The following AFG1L variants were observed in gnomAD, a reference collection of about 807,000 sequenced individuals.
AFG1L encodes AFG1-like ATPase.
Under a neutral mutation model 62.2 loss-of-function variants are expected in AFG1L, and 53 were observed. The ratio of observed to expected loss-of-function variants is 0.85; its 90% CI spans 0.68 to 1.07. The LOEUF (loss-of-function observed/expected upper bound fraction) is 1.07. AFG1L is among the 50% of genes least tolerant of loss of function. The pLI is 0.00. For synonymous variants in AFG1L, 228 were observed against 210.3 expected (o/e 1.08, Z -0.73); for missense variants, 555 against 590.5 (o/e 0.94, Z 0.62).
At chr6:108,474,937 G>C (rs756610009) in intron 8 of AFG1L, among the ~76,000 whole-genome samples, 6 of 152,074 alleles carry the variant, frequency 3.9e-5, no homozygotes, top group Non-Finnish European at 7.4e-5. Context: ...AATTGCTTTT[G>C]GTGATTTCAT....
At chr6:108,394,453 C>T (rs940995948) in intron 6 of AFG1L, among the ~76,000 whole-genome samples, 9 of 130,884 alleles carry the variant, frequency 6.9e-5, no homozygotes, top group East Asian at 2.1e-4. Context: ...CCGGCCTTGC[C>T]GTTTTTTTTA....
At chr6:108,304,983 T>G (rs1777149177) in intron 1 of AFG1L, among the ~76,000 whole-genome samples, 1 of 152,256 alleles carries the variant, frequency 6.6e-6, no homozygotes, top group South Asian at 2.1e-4. Context: ...ATGCGATGCA[T>G]TTTCCTAACT....
At chr6:108,356,397 G>A (rs1414913944) in intron 4 of AFG1L, among the ~76,000 whole-genome samples, 2 of 152,192 alleles carry the variant, frequency 1.3e-5, no homozygotes, top group African/African-American at 4.8e-5. Flanking sequence ...TAAGGTGGAT[G>A]TGTTGATGCA....
At chr6:108,339,288 G>A (rs937029769) in intron 2 of AFG1L, among the ~76,000 whole-genome samples, 5 of 151,064 alleles carry the variant, frequency 3.3e-5, no homozygotes, top group Admixed American at 3.3e-4. Context: ...CTACAGGCAC[G>A]TGCCACCACA....
intron 8 of AFG1L, among the ~76,000 whole-genome samples, chr6:108,461,429 T>C (rs1000935349): frequency 2.0e-5 from 3 of 152,160 alleles, no homozygotes; most frequent in African/African-American, 7.2e-5. Flanking sequence ...TTGTATTTTA[T>C]AGGACATGAT....
Position 108,323,880 on chromosome 6 carries a change from T to C in AFG1L, c.195T>C (p.Tyr65=), listed in dbSNP as rs1484473306. Residue 65 remains tyrosine, a synonymous_variant, in exon 2 of 13, where the codon TAT becomes TAC. Coordinates refer to ENST00000368977, the MANE Select transcript of AFG1L (RefSeq NM_145315.5). ...CCCCAACTGCCACTTCAGAGACTTA[T>C]TTGAAAGCTTTGGCCGTTTGCCATG... ...SMTPTATSET[Y]LKALAVCHGP... The C allele has an allele frequency of 6.2e-7, 1 of 1,614,076 alleles. No homozygotes were observed. Among genetic ancestry groups the C allele is most frequent in the Non-Finnish European group, 8.5e-7 (1 of 1,180,034 alleles).
intron 6 of AFG1L, among the ~76,000 whole-genome samples, chr6:108,372,093 G>A (rs952190792): frequency 2.0e-5 from 3 of 151,048 alleles, no homozygotes; most frequent in Admixed American, 6.6e-5. Context: ...TCTAGTAGTA[G>A]TACTATTATG....
At chr6:108,411,860 A>G (rs1004940167) in intron 7 of AFG1L, among the ~76,000 whole-genome samples, 8 of 152,250 alleles carry the variant, frequency 5.3e-5, no homozygotes, top group Non-Finnish European at 7.3e-5. Context: ...CTTCTCCTCC[A>G]AAGGAACGCA....
At chr6:108,468,006 G>C (rs1337581746) in intron 8 of AFG1L, among the ~76,000 whole-genome samples, 2 of 152,230 alleles carry the variant, frequency 1.3e-5, no homozygotes, top group Non-Finnish European at 2.9e-5. Flanking sequence ...CAGTCTGAAA[G>C]CTGTAAGACT....
At chr6:108,345,264 A>G (rs1318183271) in intron 2 of AFG1L, among the ~76,000 whole-genome samples, 1 of 151,508 alleles carries the variant, frequency 6.6e-6, no homozygotes, top group African/African-American at 2.4e-5. Flanking sequence ...TTTATTGAAG[A>G]GACAATTTCT....
chr6:108,338,359 GTGAAA>G (rs1171096584), intron 2 of AFG1L, among the ~76,000 whole-genome samples: 1 of 152,184 alleles, frequency 6.6e-6, no homozygotes, highest in Non-Finnish European at 1.5e-5. Context: ...ATTACAAAAT[GTGAAA>G]TATTTAAGAA....
intron 7 of AFG1L, among the ~76,000 whole-genome samples, chr6:108,440,030 G>T (rs1369822462): frequency 6.6e-6 from 1 of 152,068 alleles, no homozygotes; most frequent in Admixed American, 6.6e-5. Context: ...GTCTACCTCT[G>T]TAATCTCCAT....
intron 1 of AFG1L, among the ~76,000 whole-genome samples, chr6:108,307,495 A>C (rs1777247485): frequency 6.6e-6 from 1 of 150,650 alleles, no homozygotes; most frequent in Non-Finnish European, 1.5e-5. Context: ...ACTGCCGCCT[A>C]AACCTCCCAG....
chr6:108,396,040 G>GTTTTTTT (rs1013738199), intron 6 of AFG1L, among the ~76,000 whole-genome samples: 1 of 150,306 alleles, frequency 6.7e-6, no homozygotes, highest in Non-Finnish European at 1.5e-5. Context: ...TTTGTTTTTT[G>GTTTTTTT]TTTTTTTGTT....
At chr6:108,312,261 C>T (rs1411986229) in intron 1 of AFG1L, among the ~76,000 whole-genome samples, 3 of 152,094 alleles carry the variant, frequency 2.0e-5, no homozygotes, top group African/African-American at 7.2e-5. Context: ...ATATAGAGGC[C>T]AGGCAAGTGG....
intron 8 of AFG1L, among the ~76,000 whole-genome samples, chr6:108,457,878 C>G (rs1045811503): frequency 6.6e-6 from 1 of 150,822 alleles, no homozygotes; most frequent in African/African-American, 2.4e-5. Flanking sequence ...GGCTGGCTGG[C>G]TTTCCTTTCT....
intron 7 of AFG1L, among the ~76,000 whole-genome samples, chr6:108,417,666 CT>C (rs1282277861): frequency 6.6e-6 from 1 of 151,940 alleles, no homozygotes; most frequent in Non-Finnish European, 1.5e-5. Flanking sequence ...TTAGGTAATT[CT>C]TTTTCTCTTG....
chr6:108,425,504 C>T (rs927882364), intron 7 of AFG1L, among the ~76,000 whole-genome samples: 6 of 151,954 alleles, frequency 3.9e-5, no homozygotes, highest in Non-Finnish European at 7.4e-5. Flanking sequence ...ACAGTGGAGG[C>T]GACTGAGGCT....
intron 7 of AFG1L, among the ~76,000 whole-genome samples, chr6:108,409,708 A>G (rs1041756404): frequency 2.0e-5 from 3 of 152,178 alleles, no homozygotes; most frequent in Non-Finnish European, 4.4e-5. Context: ...AAGAAAAAGC[A>G]TCTTAGAAAA....
Sources: gnomAD v4.1 joint callset for allele counts (sites outside exome capture counted in the v4.1 genomes callset) on GRCh38, gnomAD v4.1.1 for gene constraint, MANE v1.5 for transcripts, NCBI Gene and HGNC (gene_info 2026-07-23, HGNC 2026-07-21) for gene names.